Variants in PTPRT observed in about 807,000 individuals in gnomAD.
The protein encoded by PTPRT is receptor-type tyrosine-protein phosphatase T.
A neutral mutation model predicts 176.8 loss-of-function variants in PTPRT; 56 were observed. The ratio of observed to expected loss-of-function variants is 0.32; its 90% CI spans 0.26 to 0.40. The LOEUF (loss-of-function observed/expected upper bound fraction) is 0.40. Ranked by LOEUF, PTPRT falls within the 10% of genes least tolerant of loss-of-function variation. The pLI, the probability that PTPRT is intolerant of heterozygous loss-of-function variation, is 1.00. For missense variants in PTPRT, 1,540 were observed against 1,908.2 expected (o/e 0.81, Z 3.60); for synonymous variants, 783 against 739.0 (o/e 1.06, Z -0.96).
intron 1 of PTPRT, among the ~76,000 whole-genome samples, chr20:42,902,390 C>T (rs1400240297): frequency 6.6e-6 from 1 of 152,140 alleles, no homozygotes; most frequent in East Asian, 1.9e-4. Flanking sequence ...TTTGACCCCA[C>T]TCCACATCTC....
chr20:42,046,843 C>T, the PTPRT span, among the ~76,000 whole-genome samples: 1 of 151,886 alleles, frequency 6.6e-6, no homozygotes, highest in African/African-American at 2.4e-5. Context: ...ACACAGGATT[C>T]CTGGCTCTGC....
chr20:42,142,032 G>A, intron 17 of PTPRT, 30 bp from the exon 18 acceptor site: 2 of 1,589,246 alleles, frequency 1.3e-6, no homozygotes, highest in South Asian at 1.1e-5. Context: ...TGGTTAGAGT[G>A]GCCTGAGATA....
intron 17 of PTPRT, among the ~76,000 whole-genome samples, chr20:42,152,445 A>T (rs986354237): frequency 6.6e-6 from 1 of 152,214 alleles, no homozygotes; most frequent in African/African-American, 2.4e-5. Flanking sequence ...TTGCAGCAAG[A>T]TGGGGGTATT....
chr20:42,218,353 A>C (rs1349662083), intron 15 of PTPRT, among the ~76,000 whole-genome samples: 19 of 152,228 alleles, frequency 1.2e-4, no homozygotes, highest in Admixed American at 1.2e-3. Context: ...GAGGATATTA[A>C]GGATAATTTT....
Position 42,275,558 on chromosome 20 carries a change from G to T in PTPRT, c.2176+6931C>A, listed in dbSNP as rs149352533. Among the ~76,000 whole-genome samples the T allele has an allele frequency of 7.2e-5, 11 of 152,240 alleles. No homozygotes were observed. In the East Asian group the frequency reaches 2.1e-3, roughly 29 times the overall value. ...ACCAGCTTTTGTCTTCCTGAGTGGGGTATGGAAGTGGGGTATGGAAGGGGT... is the reference window on the plus strand; with the variant it reads ...ACCAGCTTTTGTCTTCCTGAGTGGGTTATGGAAGTGGGGTATGGAAGGGGT... On this transcript the variant is annotated intron_variant, in intron 13 of 30. Transcript: ENST00000373187.
intron 1 of PTPRT, among the ~76,000 whole-genome samples, chr20:43,177,854 C>T (rs2015156805): frequency 6.6e-6 from 1 of 152,180 alleles, no homozygotes; most frequent in Admixed American, 6.5e-5. Flanking sequence ...TTTCTAAAGG[C>T]AGCAGTAACT....
chr20:42,103,673 T>G (rs1161274123), intron 25 of PTPRT, among the ~76,000 whole-genome samples: 1 of 152,202 alleles, frequency 6.6e-6, no homozygotes, highest in Non-Finnish European at 1.5e-5. Context: ...TTCACCATGT[T>G]GGTCAGGCTG....
chr20:42,323,200 G>A (rs1230805684), intron 11 of PTPRT, among the ~76,000 whole-genome samples: 1 of 152,202 alleles, frequency 6.6e-6, no homozygotes, highest in African/African-American at 2.4e-5. Flanking sequence ...AAGTCACTGT[G>A]GCGATTCCTC....
At chr20:42,405,557 G>A (rs1375450336) in intron 9 of PTPRT, among the ~76,000 whole-genome samples, 2 of 152,214 alleles carry the variant, frequency 1.3e-5, no homozygotes, top group African/African-American at 4.8e-5. Flanking sequence ...ATTTCATGGT[G>A]TATATGTGCC....
At chr20:43,128,894 C>T (rs1194291564) in intron 1 of PTPRT, among the ~76,000 whole-genome samples, 1 of 152,170 alleles carries the variant, frequency 6.6e-6, no homozygotes, top group East Asian at 1.9e-4. Flanking sequence ...CAAACTATAC[C>T]TATCACCCTT....
intron 7 of PTPRT, among the ~76,000 whole-genome samples, chr20:42,630,732 G>T (rs867918089): frequency 1.3e-5 from 2 of 152,160 alleles, no homozygotes; most frequent in South Asian, 2.1e-4. Flanking sequence ...TGGACAGGTG[G>T]CATGGAAACA....
intron 6 of PTPRT, among the ~76,000 whole-genome samples, chr20:42,678,513 C>A (rs1340538129): frequency 6.6e-6 from 1 of 152,160 alleles, no homozygotes; most frequent in South Asian, 2.1e-4. Flanking sequence ...GTTGGCCAGG[C>A]TGGTCTTGAA....
chr20:42,306,706 G>T (rs534937442), intron 12 of PTPRT, among the ~76,000 whole-genome samples: 7 of 152,270 alleles, frequency 4.6e-5, no homozygotes, highest in African/African-American at 7.2e-5. Flanking sequence ...CAGGTCTAAG[G>T]TCTGCTGAGT....
At chr20:42,615,208 T>C (rs1302258901) in intron 7 of PTPRT, among the ~76,000 whole-genome samples, 2 of 133,980 alleles carry the variant, frequency 1.5e-5, no homozygotes, top group African/African-American at 6.5e-5. Context: ...GTTCTTGCGA[T>C]AGTTTACTGA....
chr20:42,085,899 C>T (rs1569547), intron 27 of PTPRT, 46 bp from the exon 28 acceptor site: 307,403 of 1,529,030 alleles, frequency 0.2, 34,237 homozygotes, highest in Middle Eastern at 0.25. Context: ...AGGCAGGGGG[C>T]GGGTATCAAA....
intron 6 of PTPRT, among the ~76,000 whole-genome samples, chr20:42,711,485 G>A (rs1002913622): frequency 3.3e-5 from 5 of 152,054 alleles, no homozygotes; most frequent in Non-Finnish European, 7.4e-5. Context: ...TCCATCTCTT[G>A]CCATGTGACA....
intron 1 of PTPRT, among the ~76,000 whole-genome samples, chr20:42,907,023 A>G (rs1176493011): frequency 6.6e-6 from 1 of 152,204 alleles, no homozygotes; most frequent in African/African-American, 2.4e-5. Flanking sequence ...AGGCACCGGG[A>G]GTCTCTCTCT....
the PTPRT span, among the ~76,000 whole-genome samples, chr20:42,040,123 T>G: frequency 1.3e-5 from 2 of 152,192 alleles, no homozygotes; most frequent in Non-Finnish European, 1.5e-5. Context: ...GTCTTGTTGC[T>G]AATATCCATT....
intron 7 of PTPRT, among the ~76,000 whole-genome samples, chr20:42,600,276 A>T (rs1346880449): frequency 6.6e-6 from 1 of 151,958 alleles, no homozygotes. Flanking sequence ...AATAGCTGGG[A>T]CTACAGGTGT....
Sources: allele counts gnomAD v4.1 joint callset (sites outside exome capture counted in the v4.1 genomes callset), GRCh38; gene constraint gnomAD v4.1.1; transcripts MANE v1.5; gene names NCBI Gene and HGNC (gene_info 2026-07-23, HGNC 2026-07-21).